Variants in TANC2 observed in about 807,000 individuals in gnomAD.
TANC2 encodes tetratricopeptide repeat, ankyrin repeat and coiled-coil containing 2.
In TANC2, 26 loss-of-function variants were observed where a neutral mutation model predicts 210.5. That is an observed-to-expected ratio of 0.12 (90% CI 0.09 to 0.17). The LOEUF is 0.17. Ranked by LOEUF, TANC2 falls within the 10% of genes least tolerant of loss-of-function variation. TANC2 has a pLI of 1.00. For synonymous variants in TANC2, 931 were observed against 967.1 expected (o/e 0.96, Z 0.69); for missense variants, 2,129 against 2,608.9 (o/e 0.82, Z 4.01).
intron 2 of TANC2, among the ~76,000 whole-genome samples, chr17:63,012,826 A>G (rs906379503): frequency 6.6e-6 from 1 of 151,994 alleles, no homozygotes; most frequent in Non-Finnish European, 1.5e-5. Context: ...TAATTAAAAA[A>G]ATGTTTTTGT....
At chr17:63,419,104 C>T (rs2147405508) in intron 27 of TANC2, among the ~76,000 whole-genome samples, 1 of 152,344 alleles carries the variant, frequency 6.6e-6, no homozygotes, top group Admixed American at 6.5e-5. Context: ...TCTTATGCCT[C>T]CTGCCCTCCT....
intron 3 of TANC2, among the ~76,000 whole-genome samples, chr17:63,082,348 G>A (rs922686207): frequency 3.3e-5 from 5 of 152,092 alleles, no homozygotes; most frequent in Non-Finnish European, 5.9e-5. Context: ...TAAAGCCTGG[G>A]GAAAATTATT....
chr17:62,973,331 C>T (rs1313890422), intron 1 of TANC2, among the ~76,000 whole-genome samples: 4 of 152,146 alleles, frequency 2.6e-5, no homozygotes, highest in East Asian at 1.9e-4. Flanking sequence ...CATACCCGGC[C>T]GTAACATATT....
intron 5 of TANC2, among the ~76,000 whole-genome samples, chr17:63,175,627 G>A (rs1294958210): frequency 6.6e-6 from 1 of 151,570 alleles, no homozygotes; most frequent in Non-Finnish European, 1.5e-5. Flanking sequence ...TTCTTGGATA[G>A]GACATGAGAA....
At chr17:63,263,291 T>C (rs1481184340) in intron 8 of TANC2, among the ~76,000 whole-genome samples, 1 of 152,102 alleles carries the variant, frequency 6.6e-6, no homozygotes. Flanking sequence ...TTATTTAAGA[T>C]AGAAAAGTAG....
At chr17:63,306,673 G>A (rs952663370) in intron 9 of TANC2, among the ~76,000 whole-genome samples, 1 of 152,108 alleles carries the variant, frequency 6.6e-6, no homozygotes, top group African/African-American at 2.4e-5. Context: ...AAATTATGGG[G>A]GCCGGGCATG....
intron 7 of TANC2, among the ~76,000 whole-genome samples, chr17:63,234,371 A>G (rs933846821): frequency 6.6e-6 from 1 of 152,216 alleles, no homozygotes; most frequent in Non-Finnish European, 1.5e-5. Context: ...AATTTCCCAG[A>G]TAACATATAC....
chr17:63,410,434 T>A (rs1223197427), intron 21 of TANC2, among the ~76,000 whole-genome samples: 1 of 151,212 alleles, frequency 6.6e-6, no homozygotes, highest in African/African-American at 2.4e-5. Flanking sequence ...TTCTTTCTTG[T>A]CCTGGGCTCA....
intron 7 of TANC2, among the ~76,000 whole-genome samples, chr17:63,205,221 A>G (rs867426132): frequency 6.6e-6 from 1 of 152,056 alleles, no homozygotes; most frequent in Admixed American, 6.6e-5. Flanking sequence ...AAAATTGAAT[A>G]TTGACATGCA....
intron 3 of TANC2, among the ~76,000 whole-genome samples, chr17:63,085,892 T>A (rs1015525860): frequency 6.6e-6 from 1 of 152,214 alleles, no homozygotes; most frequent in African/African-American, 2.4e-5. Flanking sequence ...CTATATCATT[T>A]TATTTCTCTG....
At chr17:63,138,554 G>A (rs2039173967) in intron 4 of TANC2, among the ~76,000 whole-genome samples, 1 of 152,076 alleles carries the variant, frequency 6.6e-6, no homozygotes, top group Non-Finnish European at 1.5e-5. Context: ...CTGTGTACTT[G>A]CATATCCTGT....
intron 4 of TANC2, among the ~76,000 whole-genome samples, chr17:63,111,806 AC>A (rs1250088707): frequency 6.6e-6 from 1 of 152,052 alleles, no homozygotes; most frequent in Non-Finnish European, 1.5e-5. Flanking sequence ...GCTCACTGCA[AC>A]CTCCGCCTCC....
At chr17:63,393,708 C>T (rs1599020485) in intron 17 of TANC2, 1 of 151,830 alleles carries the variant, frequency 6.6e-6, no homozygotes, top group Non-Finnish European at 1.5e-5. Context: ...TCTTGTCATA[C>T]TTTTGTCCAC....
intron 19 of TANC2, among the ~76,000 whole-genome samples, chr17:63,403,489 T>C (rs1175971962): frequency 6.6e-6 from 1 of 152,142 alleles, no homozygotes; most frequent in Non-Finnish European, 1.5e-5. Context: ...TTTCTAACCT[T>C]TTAGAAATAT....
chr17:63,318,967 C>G, exon 11 of TANC2: 2 of 1,612,856 alleles, frequency 1.2e-6, no homozygotes, highest in Non-Finnish European at 8.5e-7. Flanking sequence ...ATGTGGATGC[C>G]AACAGAGAGC....
chr17:63,256,728 A>C (rs1361753022), intron 8 of TANC2, among the ~76,000 whole-genome samples: 1 of 152,110 alleles, frequency 6.6e-6, no homozygotes, highest in Non-Finnish European at 1.5e-5. Context: ...AAATCTGTCT[A>C]TCTCTTTAGC....
At position 63,340,843 on chromosome 17, in the gene TANC2, G is replaced by A. The variant is rs28670508; in HGVS notation, c.1807+511G>A. Among the ~76,000 whole-genome samples the A allele has an allele frequency of 7.1e-3, 1,074 of 152,138 alleles. 12 individuals are homozygous for A. The highest frequency in any genetic ancestry group is 0.025 in the African/African-American group (1,026 of 41,502). On this transcript the variant is annotated intron_variant, in intron 12 of 27. Transcript: ENST00000689528. ...CTTAAGGGGCATAAGGGTATTTTACGGTGCATAAATTGTATTATAGGAGAG... is the reference window on the plus strand; with the variant it reads ...CTTAAGGGGCATAAGGGTATTTTACAGTGCATAAATTGTATTATAGGAGAG...
At chr17:63,415,655 G>A (rs771952102) in exon 26 of TANC2, 7 of 1,613,284 alleles carry the variant, frequency 4.3e-6, no homozygotes, top group South Asian at 3.3e-5. Context: ...AACCTCTCTC[G>A]GTGTCGCAGG....
At chr17:63,301,985 T>A (rs1260272747) in intron 9 of TANC2, among the ~76,000 whole-genome samples, 1 of 152,226 alleles carries the variant, frequency 6.6e-6, no homozygotes, top group African/African-American at 2.4e-5. Flanking sequence ...GTGTCTTTGT[T>A]CTCATTGGTT....
Sources: allele counts gnomAD v4.1 joint callset (sites outside exome capture counted in the v4.1 genomes callset), GRCh38; gene constraint gnomAD v4.1.1; transcripts MANE v1.5; gene names NCBI Gene and HGNC (gene_info 2026-07-23, HGNC 2026-07-21).